Variants in COL25A1 observed in about 807,000 individuals in gnomAD.
The protein encoded by COL25A1 is collagen alpha-1(XXV) chain.
Under a neutral mutation model 128.4 loss-of-function variants are expected in COL25A1, and 103 were observed. That is an observed-to-expected ratio of 0.80 (90% CI 0.68 to 0.94). COL25A1 has a LOEUF of 0.94. Ranked by LOEUF, COL25A1 falls within the 40% of genes least tolerant of loss-of-function variation. The pLI is 0.00. For synonymous variants in COL25A1, 279 were observed against 277.2 expected, an observed-to-expected ratio of 1.01 and a Z score of -0.06; for missense variants, 745 against 840.0, an observed-to-expected ratio of 0.89 and a Z score of 1.40.
intron 3 of COL25A1, among the ~76,000 whole-genome samples, chr4:109,070,027 T>G: frequency 1.3e-5 from 2 of 150,556 alleles, no homozygotes; most frequent in East Asian, 1.9e-4. Flanking sequence ...GAGGCCAAGG[T>G]GGGCAGATCA....
At chr4:109,233,449 A>G (rs975724736) in intron 3 of COL25A1, among the ~76,000 whole-genome samples, 10 of 151,464 alleles carry the variant, frequency 6.6e-5, no homozygotes, top group African/African-American at 2.2e-4. Flanking sequence ...AGAGATATTG[A>G]AAGACAGTGA....
intron 3 of COL25A1, among the ~76,000 whole-genome samples, chr4:109,221,592 A>G (rs1022556028): frequency 6.6e-6 from 1 of 152,228 alleles, no homozygotes; most frequent in African/African-American, 2.4e-5. Context: ...TAAAAGGCAA[A>G]TGAAACATAG....
At chr4:109,022,151 G>A in intron 5 of COL25A1, 1 of 453,328 alleles carries the variant, frequency 2.2e-6, no homozygotes, top group South Asian at 1.6e-5. Flanking sequence ...TTACAGCTCA[G>A]GTGGGCATCA....
intron 3 of COL25A1, among the ~76,000 whole-genome samples, chr4:109,216,284 A>C (rs1424327213): frequency 1.3e-5 from 2 of 151,416 alleles, no homozygotes; most frequent in African/African-American, 4.9e-5. Flanking sequence ...GAAGGAAGGA[A>C]GGAAGGAAGG....
At chr4:108,920,715 T>C (rs1390505888) in intron 11 of COL25A1, 111 bp from the exon 12 acceptor site, 15 of 634,842 alleles carry the variant, frequency 2.4e-5, no homozygotes, top group Non-Finnish European at 3.7e-5. Context: ...TGAAATATGT[T>C]GACATTTCAT....
intron 16 of COL25A1, among the ~76,000 whole-genome samples, chr4:108,892,607 A>G (rs1242950897): frequency 6.6e-6 from 1 of 152,150 alleles, no homozygotes; most frequent in Admixed American, 6.5e-5. Context: ...GTAGTGCAAA[A>G]ATATTATTGA....
chr4:109,002,683 T>C (rs1362775195), intron 6 of COL25A1, among the ~76,000 whole-genome samples: 1 of 152,220 alleles, frequency 6.6e-6, no homozygotes, highest in African/African-American at 2.4e-5. Flanking sequence ...TGTATATGTA[T>C]GTGAAATCAT....
At chr4:109,293,401 G>C (rs563018373) in intron 3 of COL25A1, among the ~76,000 whole-genome samples, 2 of 151,938 alleles carry the variant, frequency 1.3e-5, no homozygotes, top group East Asian at 3.9e-4. Flanking sequence ...TGGTAAACAA[G>C]GGAAAAAATA....
intron 3 of COL25A1, among the ~76,000 whole-genome samples, chr4:109,119,244 C>T (rs562641387): frequency 8.6e-5 from 13 of 151,676 alleles, no homozygotes; most frequent in South Asian, 2.1e-4. Context: ...ATTGGATGCA[C>T]GTATTAGAAA....
At chr4:109,071,940 A>G (rs1763003670) in intron 3 of COL25A1, among the ~76,000 whole-genome samples, 2 of 152,242 alleles carry the variant, frequency 1.3e-5, no homozygotes, top group South Asian at 4.1e-4. Context: ...CAGCCATCCC[A>G]TTACTGGGTA....
In COL25A1 at chr4:109,048,140, C is replaced by A. The variant is rs781453545; in HGVS notation, c.420+28G>T. 6 of 1,610,378 alleles carry A rather than the reference C, an allele frequency of 3.7e-6. No individual in the cohort carries two copies. In the Admixed American group the frequency reaches 8.3e-5, roughly 22 times the overall value. Reference sequence around the variant, plus strand: ...CATACACAATCCTGATAAATGCAAACAAGCCAAAGTGCAGCAAACATACTT... The same window carrying A: ...CATACACAATCCTGATAAATGCAAAAAAGCCAAAGTGCAGCAAACATACTT... On this transcript the variant is annotated intron_variant, in intron 5 of 37. Transcript: ENST00000399132.
chr4:109,130,672 G>A (rs1384659930), intron 3 of COL25A1, among the ~76,000 whole-genome samples: 3 of 152,118 alleles, frequency 2.0e-5, no homozygotes, highest in African/African-American at 7.2e-5. Flanking sequence ...TTTAGTTGAT[G>A]GTCTTGATTT....
chr4:109,097,340 T>G (rs1765484177), intron 3 of COL25A1, among the ~76,000 whole-genome samples: 1 of 151,668 alleles, frequency 6.6e-6, no homozygotes, highest in Admixed American at 6.6e-5. Context: ...TATGGTGGCC[T>G]GTGCCTGTAA....
intron 13 of COL25A1, among the ~76,000 whole-genome samples, chr4:108,912,719 T>A (rs1290912431): frequency 1.3e-5 from 2 of 152,180 alleles, no homozygotes; most frequent in Non-Finnish European, 1.5e-5. Flanking sequence ...ATTTATTGTA[T>A]CATTCACTGC....
At chr4:108,834,255 C>T in intron 31 of COL25A1, 2 of 1,228,914 alleles carry the variant, frequency 1.6e-6, no homozygotes, top group Non-Finnish European at 2.3e-6. Context: ...TAAGTACACC[C>T]TCATCATTTG....
In COL25A1 at chr4:109,090,141, T is replaced by A. The variant is rs574577303; in HGVS notation, c.368-39962A>T. On this transcript the variant is annotated intron_variant, in intron 3 of 37. Transcript: ENST00000399132. ...CATGTAAGATGTTTCTATTTCAGAA[T>A]AAAGTTATTTCTTAAACAAAATTAC... Among the ~76,000 whole-genome samples, 47 of 152,288 alleles carry A rather than the reference T, an allele frequency of 3.1e-4. 1 individual carries two copies. Among genetic ancestry groups the A allele is most frequent in the African/African-American group, 1.1e-3 (46 of 41,582 alleles).
intron 11 of COL25A1, among the ~76,000 whole-genome samples, chr4:108,936,800 A>AATAT (rs138668509): frequency 0.019 from 2,527 of 134,638 alleles, 54 homozygotes; most frequent in African/African-American, 0.049. Context: ...CTGTTTCTTA[A>AATAT]ATATATATAT....
chr4:109,177,281 T>C (rs919313054), intron 3 of COL25A1, among the ~76,000 whole-genome samples: 6 of 152,030 alleles, frequency 3.9e-5, no homozygotes. Flanking sequence ...GTCTGTAGAG[T>C]GAGGGGGACT....
At chr4:108,925,057 T>C (rs905599520) in intron 11 of COL25A1, among the ~76,000 whole-genome samples, 1 of 152,214 alleles carries the variant, frequency 6.6e-6, no homozygotes, top group Non-Finnish European at 1.5e-5. Context: ...AGCTGGCACA[T>C]AGTGATTGCT....
Sources: allele counts gnomAD v4.1 joint callset (sites outside exome capture counted in the v4.1 genomes callset), GRCh38; gene constraint gnomAD v4.1.1; transcripts MANE v1.5; gene names NCBI Gene and HGNC (gene_info 2026-07-23, HGNC 2026-07-21).